Variants in DIAPH3 observed in about 807,000 individuals in gnomAD.
DIAPH3 encodes diaphanous related formin 3, also known as protein diaphanous homolog 3.
DIAPH3 carries 117 observed loss-of-function variants against 144.3 expected under a neutral mutation model. That is an observed-to-expected ratio of 0.81 (90% CI 0.70 to 0.95). DIAPH3 has a LOEUF of 0.95. Ranked by LOEUF, DIAPH3 falls within the 40% of genes least tolerant of loss-of-function variation. The probability of loss-of-function intolerance (pLI) is 0.00; values close to 1 mark genes in which losing one functional copy is unlikely to be tolerated. For missense variants in DIAPH3, 1,421 were observed against 1,412.7 expected, an observed-to-expected ratio of 1.01 and a Z score of -0.09; for synonymous variants, 519 against 488.9, an observed-to-expected ratio of 1.06 and a Z score of -0.81.
At chr13:60,067,530 T>C (rs2057018526) in intron 4 of DIAPH3, among the ~76,000 whole-genome samples, 1 of 152,208 alleles carries the variant, frequency 6.6e-6, no homozygotes, top group African/African-American at 2.4e-5. Context: ...TAGACTTAGA[T>C]ATGCCATTAC....
At position 60,133,832 on chromosome 13, in the gene DIAPH3, T is replaced by C. The variant is rs1377620622; in HGVS notation, c.181-843A>G. On this transcript the variant is annotated intron_variant, in intron 1 of 27. Transcript: ENST00000400324. ...CTCTTATTCACTGGAGCATTCAATTTTTAAAGGGGCAGGGAAAGGGTCAAA... is the reference window on the plus strand; with the variant it reads ...CTCTTATTCACTGGAGCATTCAATTCTTAAAGGGGCAGGGAAAGGGTCAAA... 2.0e-5 allele frequency among the ~76,000 whole-genome samples: 3 copies of C among 152,296 alleles called. No homozygotes were observed. The East Asian group carries it at 5.8e-4, about 29-fold the overall frequency.
At chr13:59,984,032 G>C (rs2051210438) in intron 12 of DIAPH3, 145 bp from the exon 13 acceptor site, 1 of 626,822 alleles carries the variant, frequency 1.6e-6, no homozygotes, top group Non-Finnish European at 2.8e-6. Context: ...ATTTTACCTG[G>C]GAGTGAGAGT....
chr13:60,089,446 A>G (rs2057858310), intron 4 of DIAPH3, among the ~76,000 whole-genome samples: 1 of 152,190 alleles, frequency 6.6e-6, no homozygotes, highest in Non-Finnish European at 1.5e-5. Flanking sequence ...TATTTATATA[A>G]TAGATTTGTA....
intron 25 of DIAPH3, among the ~76,000 whole-genome samples, chr13:59,806,885 T>C (rs2040225958): frequency 6.6e-6 from 1 of 151,848 alleles, no homozygotes; most frequent in Non-Finnish European, 1.5e-5. Context: ...ATTCAATGTA[T>C]CAATTTAAAA....
intron 24 of DIAPH3, among the ~76,000 whole-genome samples, chr13:59,824,720 G>A (rs1405675040): frequency 1.3e-5 from 2 of 152,098 alleles, no homozygotes; most frequent in Non-Finnish European, 2.9e-5. Context: ...ACAAAAAAGA[G>A]AACACCAATA....
intron 17 of DIAPH3, among the ~76,000 whole-genome samples, chr13:59,947,399 A>G (rs1352650249): frequency 6.6e-6 from 1 of 152,174 alleles, no homozygotes; most frequent in Non-Finnish European, 1.5e-5. Flanking sequence ...ACGCTTTCCT[A>G]TTTTGAAATA....
At chr13:60,095,788 G>T (rs1431113029) in intron 3 of DIAPH3, among the ~76,000 whole-genome samples, 1 of 152,024 alleles carries the variant, frequency 6.6e-6, no homozygotes, top group Admixed American at 6.6e-5. Context: ...AATTTTCCAA[G>T]AATCAAACTA....
chr13:59,954,449 G>T (rs1352983325), intron 17 of DIAPH3, among the ~76,000 whole-genome samples: 1 of 152,068 alleles, frequency 6.6e-6, no homozygotes, highest in Non-Finnish European at 1.5e-5. Context: ...ATGGTTGTAG[G>T]ACATGCTTAT....
At chr13:59,787,124 A>C (rs1287566676) in intron 25 of DIAPH3, among the ~76,000 whole-genome samples, 1 of 152,144 alleles carries the variant, frequency 6.6e-6, no homozygotes, top group African/African-American at 2.4e-5. Flanking sequence ...ATAATGTGTA[A>C]CATGTACTAC....
intron 4 of DIAPH3, among the ~76,000 whole-genome samples, chr13:60,078,553 A>C (rs1344802629): frequency 2.0e-5 from 3 of 152,132 alleles, no homozygotes; most frequent in East Asian, 3.9e-4. Context: ...GTTAAAATTC[A>C]GGAGTAGAAA....
intron 17 of DIAPH3, 100 bp from the exon 18 acceptor site, chr13:59,924,970 T>C: frequency 6.8e-7 from 1 of 1,479,130 alleles, no homozygotes; most frequent in Non-Finnish European, 9.0e-7. Flanking sequence ...AAAAAGGATG[T>C]AACTCTTCTA....
intron 7 of DIAPH3, among the ~76,000 whole-genome samples, chr13:60,012,094 A>G (rs1045382735): frequency 2.0e-5 from 3 of 152,200 alleles, no homozygotes; most frequent in Non-Finnish European, 2.9e-5. Context: ...TAAACTCAAA[A>G]TCAGCACTAC....
chr13:59,985,049 T>A (rs1333006761), intron 12 of DIAPH3, among the ~76,000 whole-genome samples: 5 of 135,262 alleles, frequency 3.7e-5, no homozygotes, highest in Admixed American at 2.3e-4. Context: ...ATATCCTTGA[T>A]GAACATTGAT....
At chr13:60,029,161 TAA>T (rs58066157) in intron 5 of DIAPH3, among the ~76,000 whole-genome samples, 1 of 150,314 alleles carries the variant, frequency 6.7e-6, no homozygotes, top group Non-Finnish European at 1.5e-5. Context: ...TTTGCTCAAG[TAA>T]AAAAAAAAAC....
intron 25 of DIAPH3, among the ~76,000 whole-genome samples, chr13:59,787,949 T>C (rs2039123153): frequency 6.6e-6 from 1 of 152,218 alleles, no homozygotes; most frequent in Non-Finnish European, 1.5e-5. Context: ...TTACAGGCCC[T>C]CAGTGAACAC....
chr13:60,132,216 T>C (rs181778399), intron 2 of DIAPH3, among the ~76,000 whole-genome samples: 2 of 152,332 alleles, frequency 1.3e-5, no homozygotes, highest in African/African-American at 4.8e-5. Flanking sequence ...CTTTGGATAT[T>C]AGAAGTACTA....
At chr13:59,919,521 CT>C (rs1418666025) in intron 18 of DIAPH3, among the ~76,000 whole-genome samples, 6 of 152,006 alleles carry the variant, frequency 3.9e-5, no homozygotes, top group African/African-American at 1.4e-4. Flanking sequence ...ATTCAAAGTG[CT>C]GAAGAAAAAC....
intron 9 of DIAPH3, among the ~76,000 whole-genome samples, chr13:59,998,110 T>C (rs752774493): frequency 2.9e-4 from 44 of 152,172 alleles, no homozygotes; most frequent in East Asian, 1.9e-4. Flanking sequence ...CTAGTGTAAA[T>C]AGAGAAATTC....
At chr13:59,716,945 A>C (rs1285157736) in intron 27 of DIAPH3, among the ~76,000 whole-genome samples, 2 of 152,250 alleles carry the variant, frequency 1.3e-5, no homozygotes, top group South Asian at 2.1e-4. Context: ...AGATGGACCT[A>C]TTAAAAAAAA....
Sources: allele counts gnomAD v4.1 joint callset (sites outside exome capture counted in the v4.1 genomes callset), GRCh38; gene constraint gnomAD v4.1.1; transcripts MANE v1.5; gene names NCBI Gene and HGNC (gene_info 2026-07-23, HGNC 2026-07-21).